Variants in CSMD3 observed in about 807,000 individuals in gnomAD.
The protein encoded by CSMD3 is CUB and sushi domain-containing protein 3.
In CSMD3, 177 loss-of-function variants were observed where a neutral mutation model predicts 435.2. That is an observed-to-expected ratio of 0.41 (90% CI 0.36 to 0.46). The LOEUF (loss-of-function observed/expected upper bound fraction) is 0.46, where lower values mean the gene tolerates loss of function less well. Among genes scored for constraint, CSMD3 ranks in the 20% least tolerant of loss-of-function variants. CSMD3 has a pLI of 0.34. For missense variants in CSMD3, 4,265 were observed against 4,504.6 expected, an observed-to-expected ratio of 0.95 and a Z score of 1.52; for synonymous variants, 1,656 against 1,520.5, an observed-to-expected ratio of 1.09 and a Z score of -2.07.
intron 32 of CSMD3, among the ~76,000 whole-genome samples, chr8:112,427,079 G>A (rs917176936): frequency 6.6e-6 from 1 of 152,102 alleles, no homozygotes; most frequent in East Asian, 1.9e-4. Flanking sequence ...TTACTTTAAA[G>A]AAATAACAAA....
chr8:112,724,655 C>T (rs932796989), intron 13 of CSMD3, among the ~76,000 whole-genome samples: 1 of 151,990 alleles, frequency 6.6e-6, no homozygotes, highest in Non-Finnish European at 1.5e-5. Flanking sequence ...TCTAGAGGTC[C>T]AGCAGCATAT....
intron 29 of CSMD3, 35 bp downstream of exon 29, chr8:112,506,656 T>A: frequency 1.2e-6 from 2 of 1,607,334 alleles, no homozygotes; most frequent in African/African-American, 1.3e-5. Flanking sequence ...AACAATATAT[T>A]TTTTTAACGT....
In CSMD3 at chr8:112,265,420, T is replaced by C. The variant is rs749414850; in HGVS notation, c.9679A>G (p.Thr3227Ala). The C allele has an allele frequency of 4.3e-6, 7 of 1,611,106 alleles. No homozygotes were observed. Among genetic ancestry groups the C allele is most frequent in the Non-Finnish European group, 5.1e-6 (6 of 1,177,318 alleles). ...GAAATCATTATCATACCTCTACAAGTTGGCATTACTCCACTCCATGTGCCA... is the reference window on the plus strand; with the variant it reads ...GAAATCATTATCATACCTCTACAAGCTGGCATTACTCCACTCCATGTGCCA... ...INGTWSGVMP[T>A]CRAVTCPTPP... The change falls in exon 60 of 71, where the codon ACT (threonine) becomes GCT (alanine). Residue 3227 changes from threonine to alanine, a missense_variant. Thr to Ala is a moderately conservative substitution (Grantham distance 58). Around this residue, in one of 3 missense-constraint regions of CSMD3, gnomAD observed 3,255 missense variants for 3,380.2 expected, o/e 0.96. Coordinates refer to ENST00000297405, the MANE Select transcript of CSMD3 (RefSeq NM_198123.2).
intron 13 of CSMD3, among the ~76,000 whole-genome samples, chr8:112,745,989 T>C (rs1044004844): frequency 6.6e-6 from 1 of 152,176 alleles, no homozygotes; most frequent in African/African-American, 2.4e-5. Context: ...GGCAGTGTTA[T>C]GATCAAACGG....
chr8:112,802,710 A>C (rs1259786550), intron 12 of CSMD3, among the ~76,000 whole-genome samples: 1 of 151,850 alleles, frequency 6.6e-6, no homozygotes, highest in Non-Finnish European at 1.5e-5. Flanking sequence ...GTAGTTTTGA[A>C]TTGAGTAGAC....
chr8:112,332,016 T>A (rs552660422), intron 45 of CSMD3, among the ~76,000 whole-genome samples: 1 of 152,152 alleles, frequency 6.6e-6, no homozygotes, highest in Non-Finnish European at 1.5e-5. Flanking sequence ...AATTCTAAAA[T>A]GATCTTTGTA....
intron 3 of CSMD3, among the ~76,000 whole-genome samples, chr8:113,204,757 A>C (rs2092752627): frequency 6.6e-6 from 1 of 152,132 alleles, no homozygotes; most frequent in African/African-American, 2.4e-5. Context: ...TTCTGTTACC[A>C]TCATCTGCAG....
At chr8:112,762,787 T>C (rs967516174) in intron 13 of CSMD3, among the ~76,000 whole-genome samples, 2 of 151,764 alleles carry the variant, frequency 1.3e-5, no homozygotes, top group Non-Finnish European at 3.0e-5. Flanking sequence ...GAGAGGGCTA[T>C]AGTGCCAGAA....
At chr8:113,414,996 A>C (rs1249765090) in intron 1 of CSMD3, among the ~76,000 whole-genome samples, 3 of 152,088 alleles carry the variant, frequency 2.0e-5, no homozygotes, top group Non-Finnish European at 4.4e-5. Flanking sequence ...AAATAACAAC[A>C]ACAAAATCCT....
At position 113,098,806 on chromosome 8, in the gene CSMD3, T is replaced by C. The variant is rs191801623; in HGVS notation, c.867A>G (p.Glu289=). Residue 289 remains glutamate, a synonymous_variant, in exon 5 of 71, where the codon GAA becomes GAG. Transcript: ENST00000297405. The stretch of plus-strand genomic sequence containing the variant: ...CTATTTCTAAGTAATCATATTTCTC[T>C]TCCATTTGAAAATCAGTAAATATGA... ...ISLIFTDFQM[E]EKYDYLEIEG... 1.9e-6 allele frequency: 3 copies of C among 1,612,710 alleles called. No homozygotes were observed. The highest frequency in any genetic ancestry group is 2.7e-5 in the African/African-American group (2 of 75,006).
intron 65 of CSMD3, among the ~76,000 whole-genome samples, chr8:112,243,437 T>C (rs1473178305): frequency 6.6e-6 from 1 of 152,124 alleles, no homozygotes; most frequent in Non-Finnish European, 1.5e-5. Flanking sequence ...CTTTACTCCT[T>C]CTTCTGGCAT....
At chr8:112,830,935 C>T (rs1468378208) in intron 11 of CSMD3, among the ~76,000 whole-genome samples, 3 of 151,748 alleles carry the variant, frequency 2.0e-5, no homozygotes, top group Non-Finnish European at 2.9e-5. Context: ...TACAGGTGCC[C>T]GCCACCATGC....
At chr8:112,819,284 G>A (rs2079463769) in intron 12 of CSMD3, among the ~76,000 whole-genome samples, 1 of 152,110 alleles carries the variant, frequency 6.6e-6, no homozygotes, top group South Asian at 2.1e-4. Context: ...ATGCAGGCTG[G>A]GTTGACATGG....
At chr8:112,445,557 C>T (rs1374363148) in intron 32 of CSMD3, among the ~76,000 whole-genome samples, 1 of 152,056 alleles carries the variant, frequency 6.6e-6, no homozygotes, top group African/African-American at 2.4e-5. Context: ...GAACTCAGAA[C>T]GAGAACTCAC....
chr8:112,733,505 G>T lies in CSMD3; in HGVS notation c.1973-43455C>A, dbSNP rs1352872503. On this transcript the variant is annotated intron_variant, in intron 13 of 70. Transcript: ENST00000297405. ...ACATAGATTGCATAATTGAAAATAA[G>T]TATAAAGCTTAATTATGCAAAAATG... 3.3e-5 allele frequency among the ~76,000 whole-genome samples: 5 copies of T among 151,808 alleles called. No homozygotes were observed. In the South Asian group the frequency reaches 8.3e-4, roughly 25 times the overall value.
intron 30 of CSMD3, 87 bp from the exon 31 acceptor site, chr8:112,492,770 C>A (rs1208287875): frequency 9.4e-7 from 1 of 1,059,648 alleles, no homozygotes; most frequent in Non-Finnish European, 1.5e-6. Context: ...GTGGATTCAG[C>A]CAACTGCAGA....
intron 10 of CSMD3, among the ~76,000 whole-genome samples, chr8:112,861,845 G>A (rs947848728): frequency 2.0e-5 from 3 of 151,806 alleles, no homozygotes; most frequent in East Asian, 1.9e-4. Context: ...TTAATACTTC[G>A]TAATTCTCTG....
intron 1 of CSMD3, among the ~76,000 whole-genome samples, chr8:113,334,888 TC>T (rs1023665774): frequency 2.0e-5 from 3 of 152,080 alleles, no homozygotes; most frequent in African/African-American, 7.2e-5. Flanking sequence ...GTTTTTAAAG[TC>T]TGTAGGAACT....
At chr8:112,506,646 A>C (rs774922141) in intron 29 of CSMD3, 45 bp downstream of exon 29, 7 of 1,597,602 alleles carry the variant, frequency 4.4e-6, no homozygotes, top group Non-Finnish European at 5.1e-6. Flanking sequence ...AAAATGGCCT[A>C]ACAATATATT....
Sources: gnomAD v4.1 joint callset for allele counts (sites outside exome capture counted in the v4.1 genomes callset) on GRCh38, gnomAD v4.1.1 for gene constraint, gnomAD v4.1.1 regional missense constraint, MANE v1.5 for transcripts, NCBI Gene and HGNC (gene_info 2026-07-23, HGNC 2026-07-21) for gene names.